IGSF10: variants seen among roughly 807,000 people sequenced by gnomAD.
IGSF10 encodes immunoglobulin superfamily member 10, also known as calvaria mechanical force protein 608.
In IGSF10, 126 loss-of-function variants were observed where a neutral mutation model predicts 128.2. That is an observed-to-expected ratio of 0.98 (90% CI 0.85 to 1.14). The LOEUF is 1.14. Among genes scored for constraint, IGSF10 ranks in the 50% most tolerant of loss-of-function variants. The pLI, the probability that IGSF10 is intolerant of heterozygous loss-of-function variation, is 0.00. For missense variants in IGSF10, 3,295 were observed against 3,149.8 expected (o/e 1.05, Z -1.10); for synonymous variants, 1,185 against 1,146.2 (o/e 1.03, Z -0.68).
At chr3:151,568,958 C>T in the IGSF10 span, among the ~76,000 whole-genome samples, 1 of 152,200 alleles carries the variant, frequency 6.6e-6, no homozygotes, top group South Asian at 2.1e-4. Context: ...AGTCATTGCA[C>T]AGCCCCCGAA....
chr3:151,525,002 CTTTTT>C, the IGSF10 span, among the ~76,000 whole-genome samples: 5 of 49,690 alleles, frequency 1.0e-4, no homozygotes, highest in Non-Finnish European at 1.4e-4. Flanking sequence ...TGCATTACAC[CTTTTT>C]TTTTTTTTTT....
Position 151,446,219 on chromosome 3 carries a change from T to C in IGSF10, c.3762A>G (p.Thr1254=). ...GAATTTGCATCACACTTGTTGAAAG[T>C]GTGGTGAAATGGAAAGGGGAGACTT... ...RDKVSPFHFT[T]LSTSVMQIPS... Residue 1254 remains threonine (T), a synonymous_variant, in exon 6 of 8, where the codon ACA becomes ACG. Coordinates refer to ENST00000282466, the MANE Select transcript of IGSF10 (RefSeq NM_178822.5). 6.2e-7 allele frequency: 1 copy of C among 1,613,512 alleles called. No homozygotes were observed. Among genetic ancestry groups the C allele is most frequent in the Non-Finnish European group, 8.5e-7 (1 of 1,179,552 alleles).
At chr3:151,540,972 G>T in the IGSF10 span, among the ~76,000 whole-genome samples, 1 of 152,104 alleles carries the variant, frequency 6.6e-6, no homozygotes, top group Non-Finnish European at 1.5e-5. Flanking sequence ...AAGTGTGAAG[G>T]TTACAGAAGA....
At chr3:151,503,173 T>C in the IGSF10 span, among the ~76,000 whole-genome samples, 1 of 152,010 alleles carries the variant, frequency 6.6e-6, no homozygotes, top group Non-Finnish European at 1.5e-5. Context: ...AAAATACTTT[T>C]ATCTTAGGCC....
chr3:151,442,662 T>TAC (rs1720931378), intron 7 of IGSF10, among the ~76,000 whole-genome samples: 1 of 151,762 alleles, frequency 6.6e-6, no homozygotes, highest in African/African-American at 2.4e-5. Context: ...GTGCTAGGAT[T>TAC]ACAGGCGTGA....
At chr3:151,434,838 T>C (rs1303817795), downstream of IGSF10, 1 of 152,248 alleles carries the variant, frequency 6.6e-6, no homozygotes, top group African/African-American at 2.4e-5. Flanking sequence ...ACTTTATACT[T>C]TGCAGAGGTG....
the IGSF10 span, among the ~76,000 whole-genome samples, chr3:151,536,732 C>A: frequency 6.6e-6 from 1 of 152,152 alleles, no homozygotes; most frequent in Admixed American, 6.5e-5. Context: ...CTTTACTTTT[C>A]CCCTTAAAGT....
At chr3:151,451,482 A>T (rs1031470145) in intron 5 of IGSF10, among the ~76,000 whole-genome samples, 2 of 152,226 alleles carry the variant, frequency 1.3e-5, no homozygotes, top group Admixed American at 6.5e-5. Flanking sequence ...TGCTCAGGAA[A>T]GATCAGCAGA....
At chr3:151,468,168 TAAA>T in the IGSF10 span, among the ~76,000 whole-genome samples, 2 of 152,186 alleles carry the variant, frequency 1.3e-5, no homozygotes, top group African/African-American at 2.4e-5. Context: ...GAAGTTTAAT[TAAA>T]AAACATAAGC....
At chr3:151,606,925 TA>T in the IGSF10 span, among the ~76,000 whole-genome samples, 2 of 152,206 alleles carry the variant, frequency 1.3e-5, no homozygotes, top group African/African-American at 4.8e-5. Flanking sequence ...TTACTGACTT[TA>T]TAGCACCACT....
intron 7 of IGSF10, chr3:151,440,565 A>G (rs1344192013): frequency 4.4e-6 from 2 of 456,650 alleles, no homozygotes; most frequent in Non-Finnish European, 8.8e-6. Flanking sequence ...AGAGAGATTT[A>G]GCAACTTGCC....
At chr3:151,581,005 A>G in the IGSF10 span, among the ~76,000 whole-genome samples, 4 of 152,046 alleles carry the variant, frequency 2.6e-5, no homozygotes, top group Admixed American at 2.6e-4. Context: ...CGGGGGAGGG[A>G]AAAGCTTTTA....
At chr3:151,570,956 TAGCC>T in the IGSF10 span, among the ~76,000 whole-genome samples, 1 of 152,354 alleles carries the variant, frequency 6.6e-6, no homozygotes, top group Admixed American at 6.5e-5. Context: ...TACATATGGC[TAGCC>T]AGTTTTCCCA....
chr3:151,472,464 A>C, the IGSF10 span, among the ~76,000 whole-genome samples: 1 of 152,208 alleles, frequency 6.6e-6, no homozygotes, highest in Non-Finnish European at 1.5e-5. Context: ...CTACCAATGC[A>C]GCGGCATTAC....
chr3:151,583,401 T>C, the IGSF10 span, among the ~76,000 whole-genome samples: 3 of 152,206 alleles, frequency 2.0e-5, no homozygotes, highest in African/African-American at 7.2e-5. Context: ...TATAATTCAG[T>C]TCAAGGTATT....
At chr3:151,592,920 G>A in the IGSF10 span, among the ~76,000 whole-genome samples, 1 of 151,974 alleles carries the variant, frequency 6.6e-6, no homozygotes, top group Non-Finnish European at 1.5e-5. Context: ...ATATATTTAA[G>A]TGAAAAGAAT....
At chr3:151,554,951 A>G in the IGSF10 span, among the ~76,000 whole-genome samples, 4 of 152,278 alleles carry the variant, frequency 2.6e-5, no homozygotes, top group East Asian at 7.7e-4. Flanking sequence ...GTTATGCAGC[A>G]CTACATTGTG....
chr3:151,562,594 C>T, the IGSF10 span, among the ~76,000 whole-genome samples: 1 of 152,048 alleles, frequency 6.6e-6, no homozygotes, highest in East Asian at 1.9e-4. Context: ...GGTCAAACCA[C>T]CTCATTTTAA....
the IGSF10 span, among the ~76,000 whole-genome samples, chr3:151,547,023 T>C: frequency 2.0e-5 from 3 of 150,000 alleles, no homozygotes; most frequent in African/African-American, 7.4e-5. Context: ...CACCCCCCCC[T>C]TGGCCTCCCA....
Sources: gnomAD v4.1 joint callset for allele counts (sites outside exome capture counted in the v4.1 genomes callset) on GRCh38, gnomAD v4.1.1 for gene constraint, MANE v1.5 for transcripts, NCBI Gene and HGNC (gene_info 2026-07-23, HGNC 2026-07-21) for gene names.